STX7: variants seen among roughly 807,000 people sequenced by gnomAD.
The protein encoded by STX7 is syntaxin-7.
Under a neutral mutation model 39.6 loss-of-function variants are expected in STX7, and 34 were observed. The observed-to-expected ratio is 0.86, with a 90% CI of 0.65 to 1.14. The LOEUF (loss-of-function observed/expected upper bound fraction) is 1.14, where lower values mean the gene tolerates loss of function less well. Among genes scored for constraint, STX7 ranks in the 50% most tolerant of loss-of-function variants. The pLI is 0.00. For missense variants in STX7, 284 were observed against 310.4 expected, an observed-to-expected ratio of 0.92 and a Z score of 0.64; for synonymous variants, 119 against 99.1, an observed-to-expected ratio of 1.20 and a Z score of -1.19.
At chr6:132,464,807 C>T (rs1028010123) in intron 8 of STX7, among the ~76,000 whole-genome samples, 2 of 152,148 alleles carry the variant, frequency 1.3e-5, no homozygotes, top group African/African-American at 4.8e-5. Flanking sequence ...TACTTCTGTG[C>T]TAAAATCTAG....
At chr6:132,481,987 T>C (rs1274832675) in intron 2 of STX7, among the ~76,000 whole-genome samples, 1 of 152,202 alleles carries the variant, frequency 6.6e-6, no homozygotes, top group African/African-American at 2.4e-5. Flanking sequence ...TTAGTCACCC[T>C]AACTAGAAGG....
chr6:132,502,727 G>A (rs757968175), intron 2 of STX7, among the ~76,000 whole-genome samples: 8 of 151,882 alleles, frequency 5.3e-5, no homozygotes, highest in East Asian at 1.9e-4. Flanking sequence ...GTGAAACCCC[G>A]TCTCTACTAA....
intron 3 of STX7, among the ~76,000 whole-genome samples, chr6:132,474,931 G>A (rs1002784159): frequency 6.6e-6 from 1 of 152,012 alleles, no homozygotes; most frequent in African/African-American, 2.4e-5. Flanking sequence ...GACAGCTCAC[G>A]TAGCTGGTTA....
At position 132,452,767 on chromosome 6, in the gene STX7, T is replaced by A. The variant is rs541629193; in HGVS notation, c.*7991A>T. ...AAGTGAAGTGATCCTGTGATCATGATCGGGAAGGCTTAACATGGTAAAGAT... is the reference window on the plus strand; with the variant it reads ...AAGTGAAGTGATCCTGTGATCATGAACGGGAAGGCTTAACATGGTAAAGAT... On this transcript the variant is annotated 3_prime_UTR_variant, in exon 10 of 10. Transcript: ENST00000367941. 7.2e-5 allele frequency: 11 copies of A among 152,300 alleles called. No individual in the cohort carries two copies. The highest frequency in any genetic ancestry group is 2.4e-4 in the African/African-American group (10 of 41,584). The allele number at this position is 152,300 out of a possible 1,614,324, so 9.4% of individuals were successfully genotyped here. A position where few individuals can be genotyped will look rare whatever the true frequency, so the allele number is the denominator to read the frequency against.
In STX7 at chr6:132,487,677, C is replaced by T. The variant is rs972714250; in HGVS notation, c.86-12015G>A. Among the ~76,000 whole-genome samples, 3 of 151,886 alleles carry T rather than the reference C, an allele frequency of 2.0e-5. No homozygotes were observed. In the East Asian group the frequency reaches 5.8e-4, roughly 29 times the overall value. On this transcript the variant is annotated intron_variant, in intron 2 of 9. Transcript: ENST00000367941. ...TAAAAACCATTTCAAAGGAAAAAAC[C>T]TTTAAATATATGATAGATTCTGTAA...
At chr6:132,480,295 C>T (rs1309922618) in intron 2 of STX7, among the ~76,000 whole-genome samples, 1 of 152,122 alleles carries the variant, frequency 6.6e-6, no homozygotes, top group Non-Finnish European at 1.5e-5. Flanking sequence ...AATCCTGGCA[C>T]CACCTGGGAG....
Position 132,447,555 on chromosome 6 carries a change from GTTT to G in STX7, c.*13200_*13202del, listed in dbSNP as rs36067194. The G allele has an allele frequency of 1.3e-5, 2 of 151,038 alleles. No individual in the cohort carries two copies. Among genetic ancestry groups the G allele is most frequent in the African/African-American group, 4.9e-5 (2 of 41,130 alleles). The allele number at this position is 151,038 out of a possible 1,614,324, so 9.4% of individuals were successfully genotyped here. The stretch of plus-strand genomic sequence containing the variant: ...GAGTGACTTCAAATACAACATAATA[GTTT>G]TTTTTTCCGTTTTGCCCTCTACATT... On this transcript the variant is annotated 3_prime_UTR_variant, in exon 10 of 10. Coordinates refer to ENST00000367941, the MANE Select transcript of STX7 (RefSeq NM_003569.3).
At chr6:132,474,726 T>A (rs1774827463) in intron 3 of STX7, among the ~76,000 whole-genome samples, 1 of 152,224 alleles carries the variant, frequency 6.6e-6, no homozygotes, top group African/African-American at 2.4e-5. Flanking sequence ...CTGTAAGGTT[T>A]AAATGATAAA....
chr6:132,508,874 T>A (rs940083330), intron 1 of STX7, among the ~76,000 whole-genome samples: 4 of 152,106 alleles, frequency 2.6e-5, no homozygotes, highest in African/African-American at 9.7e-5. Flanking sequence ...ATGTGTAAAA[T>A]AAAACAAAGT....
chr6:132,471,135 G>A (rs1346790239), intron 5 of STX7, among the ~76,000 whole-genome samples: 1 of 152,094 alleles, frequency 6.6e-6, no homozygotes, highest in East Asian at 1.9e-4. Context: ...CTACACTAGC[G>A]TGTACACAAG....
chr6:132,470,185 GAATAT>G, intron 6 of STX7, 138 bp from the exon 7 acceptor site: 1 of 525,022 alleles, frequency 1.9e-6, no homozygotes, highest in Non-Finnish European at 3.1e-6. Context: ...AAAATTCTAA[GAATAT>G]AACAGATATA....
At chr6:132,510,809 A>G (rs138991645) in intron 1 of STX7, among the ~76,000 whole-genome samples, 96 of 152,360 alleles carry the variant, frequency 6.3e-4, no homozygotes, top group Non-Finnish European at 1.2e-3. Flanking sequence ...CTCAGATGAG[A>G]GTCTTCTCAA....
chr6:132,485,197 C>T (rs1582665944), intron 2 of STX7, among the ~76,000 whole-genome samples: 1 of 152,164 alleles, frequency 6.6e-6, no homozygotes. Context: ...TTCCTTCCCC[C>T]CTCCATCACC....
intron 2 of STX7, among the ~76,000 whole-genome samples, chr6:132,500,641 A>G (rs947184549): frequency 6.6e-6 from 1 of 152,220 alleles, no homozygotes; most frequent in Admixed American, 6.5e-5. Context: ...GCAGGACCTT[A>G]TAGATTGTTT....
At chr6:132,510,145 T>TG (rs1775810972) in intron 1 of STX7, among the ~76,000 whole-genome samples, 1 of 152,226 alleles carries the variant, frequency 6.6e-6, no homozygotes, top group African/African-American at 2.4e-5. Context: ...GTAGGAGGAA[T>TG]GAAGTCTAGT....
chr6:132,476,670 T>C (rs965968976), intron 2 of STX7, among the ~76,000 whole-genome samples: 1 of 152,032 alleles, frequency 6.6e-6, no homozygotes. Flanking sequence ...AGGTGAAAGG[T>C]TCATTGTACT....
At chr6:132,494,402 CTTTAA>C (rs1284661455) in intron 2 of STX7, among the ~76,000 whole-genome samples, 2 of 152,020 alleles carry the variant, frequency 1.3e-5, no homozygotes, top group African/African-American at 4.8e-5. Context: ...AATAATAGTA[CTTTAA>C]TTTACTGATA....
At position 132,460,297 on chromosome 6, in the gene STX7, C is replaced by A. The variant is rs79929870; in HGVS notation, c.*461G>T. ...CAGAAAAATACAACCCATGTATAGA[C>A]CTTAATTATTTTACATTATTGAGAA... On this transcript the variant is annotated 3_prime_UTR_variant, in exon 10 of 10. Coordinates refer to ENST00000367941, the MANE Select transcript of STX7 (RefSeq NM_003569.3). The A allele has an allele frequency of 0.029, 4,379 of 152,612 alleles. 197 individuals are homozygous for A. The highest frequency in any genetic ancestry group is 0.097 in the African/African-American group (4,048 of 41,540). 9.5% of individuals were successfully genotyped at this position (152,612 alleles called of 1,614,324 possible). A position where few individuals can be genotyped will look rare whatever the true frequency, so the allele number is the denominator to read the frequency against.
chr6:132,485,492 T>C (rs1426204912), intron 2 of STX7, among the ~76,000 whole-genome samples: 1 of 152,210 alleles, frequency 6.6e-6, no homozygotes, highest in Non-Finnish European at 1.5e-5. Context: ...CCTACAAGTC[T>C]TTGTATGGGC....
Sources: gnomAD v4.1 joint callset for allele counts (sites outside exome capture counted in the v4.1 genomes callset) on GRCh38, gnomAD v4.1.1 for gene constraint, MANE v1.5 for transcripts, NCBI Gene and HGNC (gene_info 2026-07-23, HGNC 2026-07-21) for gene names.